PGGT1B: variants seen among roughly 807,000 people sequenced by gnomAD.
PGGT1B encodes the protein protein geranylgeranyltransferase type I subunit beta.
Under a neutral mutation model 46.1 loss-of-function variants are expected in PGGT1B, and 30 were observed. The observed-to-expected ratio is 0.65, with a 90% CI of 0.49 to 0.88. The LOEUF (loss-of-function observed/expected upper bound fraction) is 0.88, where lower values mean the gene tolerates loss of function less well. Ranked by LOEUF, PGGT1B falls within the 40% of genes least tolerant of loss-of-function variation. PGGT1B has a pLI of 0.00. For missense variants in PGGT1B, 376 were observed against 455.9 expected (o/e 0.82, Z 1.60); for synonymous variants, 170 against 160.0 (o/e 1.06, Z -0.47).
intron 1 of PGGT1B, among the ~76,000 whole-genome samples, chr5:115,258,923 C>T (rs749536469): frequency 1.3e-5 from 2 of 152,182 alleles, no homozygotes; most frequent in Non-Finnish European, 2.9e-5. Context: ...GCAGCTCTTT[C>T]GCCTACCATT....
At position 115,204,648 on chromosome 5, in the gene PGGT1B, T is replaced by C. The variant is rs1756013315; in HGVS notation, c.*7754A>G. On this transcript the variant is annotated 3_prime_UTR_variant, in exon 9 of 9. Transcript: ENST00000419445. ...GCACTCTCATACCTTGTTGTTGAGT[T>C]TATGAATGGCTACACTGTTTCTGGA... 1 of 152,176 alleles carries C rather than the reference T, an allele frequency of 6.6e-6. No individual in the cohort carries two copies. The highest frequency in any genetic ancestry group is 1.5e-5 in the Non-Finnish European group (1 of 68,006). 9.4% of individuals were successfully genotyped at this position (152,176 alleles called of 1,614,324 possible). A position where few individuals can be genotyped will look rare whatever the true frequency, so the allele number is the denominator to read the frequency against.
intron 6 of PGGT1B, among the ~76,000 whole-genome samples, chr5:115,225,830 G>A (rs925512271): frequency 6.6e-6 from 1 of 151,668 alleles, no homozygotes; most frequent in Non-Finnish European, 1.5e-5. Context: ...TGTATTTTTA[G>A]CAGAGATGGG....
rs143496364 is a variant in PGGT1B at position 115,224,291 on chromosome 5, C to A, written c.659-2283G>T. 6.7e-3 allele frequency among the ~76,000 whole-genome samples: 1,021 copies of A among 152,202 alleles called. 15 individuals carry two copies. Among genetic ancestry groups the A allele is most frequent in the African/African-American group, 0.024 (979 of 41,546 alleles). On this transcript the variant is annotated intron_variant, in intron 6 of 8. Coordinates refer to ENST00000419445, the MANE Select transcript of PGGT1B (RefSeq NM_005023.4). ...AATAGACAGTAAGTAACCTTTCAAA[C>A]TCCCGAAAAGTAAAAAGAGGCAATT...
chr5:115,253,226 C>A lies in PGGT1B; in HGVS notation c.170G>T (p.Gly57Val), dbSNP rs775326873. 6.3e-7 allele frequency: 1 copy of A among 1,584,402 alleles called. No homozygotes were observed. The highest frequency in any genetic ancestry group is 1.4e-5 in the African/African-American group (1 of 72,914). ...RLTIAFFALS[G>V]LDMLDSLDVV... ...ATCTAAGGAATCCAACATATCCAGC[C>A]CGGAGAGTGCAAAAAATGCAATTGT... Residue 57 changes from glycine to valine, a missense_variant, in exon 2 of 9, where the codon GGG (glycine) becomes GTG (valine). Physicochemically the swap from Gly to Val is moderately radical, Grantham distance 109. This residue lies in a region of PGGT1B where 154 missense variants were observed against 142.3 expected (regional missense o/e 1.08). Coordinates refer to ENST00000419445, the MANE Select transcript of PGGT1B (RefSeq NM_005023.4).
At position 115,212,510 on chromosome 5, in the gene PGGT1B, A is replaced by T. The variant is rs1035525349; in HGVS notation, c.1026T>A (p.Pro342=). The T allele has an allele frequency of 1.9e-6, 3 of 1,613,602 alleles. No individual in the cohort carries two copies. The highest frequency in any genetic ancestry group is 2.5e-6 in the Non-Finnish European group (3 of 1,179,716). Residue 342 remains proline, a synonymous_variant, in exon 9 of 9, where the codon CCT becomes CCA. Coordinates refer to ENST00000419445, the MANE Select transcript of PGGT1B (RefSeq NM_005023.4). The part of the protein sequence containing the change: ...MEESGICKVH[P]ALNVSTRTSE... ...AAGTCCGTGTGCTTACATTCAGAGC[A>T]GGATGAACTTTACAAATTCCACTTT... is the stretch of plus-strand genomic sequence containing the variant.
At chr5:115,252,664 T>C (rs1461929724) in intron 2 of PGGT1B, among the ~76,000 whole-genome samples, 1 of 152,018 alleles carries the variant, frequency 6.6e-6, no homozygotes, top group Non-Finnish European at 1.5e-5. Flanking sequence ...AGTGTAAAAA[T>C]GACTGAAGCA....
At position 115,206,682 on chromosome 5, in the gene PGGT1B, AC is replaced by A; in HGVS notation, c.*5719del. The A allele has an allele frequency of 6.6e-6, 1 of 152,202 alleles. No homozygotes were observed. The highest frequency in any genetic ancestry group is 1.5e-5 in the Non-Finnish European group (1 of 67,954). The allele number at this position is 152,202 out of a possible 1,614,324, so 9.4% of individuals were successfully genotyped here. ...ATAATGTGTCTTATTTTTCACAATTACAAAAATGTGGCTGTGAGATCCTTGA... is the reference window on the plus strand; with the variant it reads ...ATAATGTGTCTTATTTTTCACAATTAAAAAATGTGGCTGTGAGATCCTTGA... On this transcript the variant is annotated 3_prime_UTR_variant, in exon 9 of 9. Coordinates refer to ENST00000419445, the MANE Select transcript of PGGT1B (RefSeq NM_005023.4).
intron 8 of PGGT1B, 132 bp downstream of exon 8, chr5:115,216,733 C>T: frequency 9.0e-6 from 6 of 663,206 alleles, no homozygotes; most frequent in East Asian, 2.7e-5. Flanking sequence ...ACACAATATA[C>T]CTTTTAAAAA....
intron 8 of PGGT1B, among the ~76,000 whole-genome samples, chr5:115,216,013 G>C (rs1391097349): frequency 6.6e-6 from 1 of 152,156 alleles, no homozygotes; most frequent in Non-Finnish European, 1.5e-5. Context: ...AGAGGTGGGA[G>C]AGGAGCCAAA....
chr5:115,254,845 A>G (rs1398760043), intron 1 of PGGT1B, among the ~76,000 whole-genome samples: 1 of 152,128 alleles, frequency 6.6e-6, no homozygotes, highest in Non-Finnish European at 1.5e-5. Flanking sequence ...TATTATCTCA[A>G]TTTAATCCTA....
At chr5:115,246,857 T>C (rs963374763) in intron 2 of PGGT1B, among the ~76,000 whole-genome samples, 1 of 152,230 alleles carries the variant, frequency 6.6e-6, no homozygotes, top group Non-Finnish European at 1.5e-5. Context: ...TTAACATAAG[T>C]ACTTTAGATA....
intron 6 of PGGT1B, among the ~76,000 whole-genome samples, chr5:115,224,276 A>ATT: frequency 6.6e-6 from 1 of 152,202 alleles, no homozygotes; most frequent in Non-Finnish European, 1.5e-5. Context: ...AATAGACAGT[A>ATT]AGTAACCTTT....
At chr5:115,252,897 T>A in intron 2 of PGGT1B, 1 of 443,098 alleles carries the variant, frequency 2.3e-6, no homozygotes. Flanking sequence ...TACAACATAG[T>A]ATGGTGCCAC....
chr5:115,248,706 T>TA, intron 2 of PGGT1B, among the ~76,000 whole-genome samples: 1 of 152,318 alleles, frequency 6.6e-6, no homozygotes, highest in East Asian at 1.9e-4. Flanking sequence ...CTCATATACT[T>TA]AAACAGTAAA....
chr5:115,221,527 TA>T (rs1756588463), intron 7 of PGGT1B, among the ~76,000 whole-genome samples: 1 of 152,072 alleles, frequency 6.6e-6, no homozygotes, highest in Non-Finnish European at 1.5e-5. Flanking sequence ...ACTTTTTTAT[TA>T]CCTTATACCC....
At chr5:115,220,488 T>A (rs1047444090) in intron 7 of PGGT1B, among the ~76,000 whole-genome samples, 5 of 151,874 alleles carry the variant, frequency 3.3e-5, no homozygotes, top group African/African-American at 1.2e-4. Flanking sequence ...ATACAGGATT[T>A]ATGTTGGGTA....
At chr5:115,225,614 T>G in intron 6 of PGGT1B, among the ~76,000 whole-genome samples, 1 of 152,236 alleles carries the variant, frequency 6.6e-6, no homozygotes, top group East Asian at 1.9e-4. Flanking sequence ...GTACATCATT[T>G]TACAATTAAA....
chr5:115,225,704 G>T (rs1366396685), intron 6 of PGGT1B, among the ~76,000 whole-genome samples: 1 of 150,872 alleles, frequency 6.6e-6, no homozygotes, highest in Non-Finnish European at 1.5e-5. Flanking sequence ...GGAGTGCAGT[G>T]GTGTGATCTC....
At chr5:115,241,956 G>A (rs942922312) in intron 2 of PGGT1B, among the ~76,000 whole-genome samples, 1 of 152,096 alleles carries the variant, frequency 6.6e-6, no homozygotes, top group African/African-American at 2.4e-5. Context: ...GAAGCCCAGA[G>A]GTTAAGTGAT....
Sources: allele counts gnomAD v4.1 joint callset (sites outside exome capture counted in the v4.1 genomes callset), GRCh38; gene constraint gnomAD v4.1.1; regional missense constraint gnomAD v4.1.1; transcripts MANE v1.5; gene names NCBI Gene and HGNC (gene_info 2026-07-23, HGNC 2026-07-21).